Variants in OLFM3 observed in about 807,000 individuals in gnomAD.
The protein encoded by OLFM3 is olfactomedin 3, also known as noelin-3.
In OLFM3, 20 loss-of-function variants were observed where a neutral mutation model predicts 48.6. The ratio of observed to expected loss-of-function variants is 0.41; its 90% CI spans 0.29 to 0.60. The LOEUF is 0.60. Ranked by LOEUF, OLFM3 falls within the 20% of genes least tolerant of loss-of-function variation. The pLI is 0.28. For missense variants in OLFM3, 437 were observed against 544.3 expected (o/e 0.80, Z 1.96); for synonymous variants, 222 against 198.1 (o/e 1.12, Z -1.01).
chr1:101,868,967 G>C (rs564648261), intron 1 of OLFM3, among the ~76,000 whole-genome samples: 4 of 152,228 alleles, frequency 2.6e-5, no homozygotes, highest in Non-Finnish European at 5.9e-5. Flanking sequence ...ACCCCTACCT[G>C]GATTTCAGAG....
chr1:101,941,178 C>T (rs1263981700), intron 1 of OLFM3, among the ~76,000 whole-genome samples: 3 of 152,038 alleles, frequency 2.0e-5, no homozygotes, highest in Non-Finnish European at 4.4e-5. Context: ...GAGGTCCATC[C>T]GAGAACAGAG....
intron 4 of OLFM3, among the ~76,000 whole-genome samples, chr1:101,809,198 C>T (rs1268651502): frequency 1.3e-5 from 2 of 151,232 alleles, no homozygotes; most frequent in African/African-American, 4.8e-5. Flanking sequence ...TCCCCAGTAA[C>T]AACACCTAAA....
chr1:101,863,747 AT>A (rs1225922571), intron 1 of OLFM3, among the ~76,000 whole-genome samples: 3 of 152,212 alleles, frequency 2.0e-5, no homozygotes, highest in Non-Finnish European at 4.4e-5. Context: ...AAATATTTTT[AT>A]TCTAAGCCAA....
At position 101,804,043 on chromosome 1, in the gene OLFM3, T is replaced by G. The variant is rs1653632225; in HGVS notation, c.*195A>C. ...CAAGGACATGATAGGCCTTGTAAAT[T>G]TAGAAGTTAAGATGTGTTTCCAACA... On this transcript the variant is annotated 3_prime_UTR_variant, in exon 6 of 6. Coordinates refer to ENST00000370103, the MANE Select transcript of OLFM3 (RefSeq NM_058170.4). The surrounding 1 kb of genome is among the most constrained non-coding windows in gnomAD (Gnocchi z 4.5). 3 of 461,540 alleles carry G rather than the reference T, an allele frequency of 6.5e-6. No homozygotes were observed. In the Admixed American group the frequency reaches 1.2e-4, roughly 18 times the overall value. The allele number at this position is 461,540 out of a possible 1,614,324, so 28.6% of individuals were successfully genotyped here. A position where few individuals can be genotyped will look rare whatever the true frequency, so the allele number is the denominator to read the frequency against.
chr1:101,842,549 T>C (rs1380978945), intron 1 of OLFM3, among the ~76,000 whole-genome samples: 3 of 151,874 alleles, frequency 2.0e-5, no homozygotes, highest in African/African-American at 7.3e-5. Flanking sequence ...TGTCTGAAAA[T>C]AATAATAATA....
At chr1:101,812,878 G>A (rs1470123400) in intron 4 of OLFM3, 6 of 994,132 alleles carry the variant, frequency 6.0e-6, no homozygotes, top group Non-Finnish European at 7.2e-6. Context: ...ACCTTAGAAA[G>A]CAAACTTTAC....
At chr1:101,971,827 T>A (rs1404688198) in intron 1 of OLFM3, among the ~76,000 whole-genome samples, 2 of 152,058 alleles carry the variant, frequency 1.3e-5, no homozygotes, top group Non-Finnish European at 2.9e-5. Context: ...ACTAAAGGAA[T>A]CTTTTTTTGT....
intron 1 of OLFM3, among the ~76,000 whole-genome samples, chr1:101,903,973 A>G (rs569780561): frequency 2.0e-5 from 3 of 152,192 alleles, no homozygotes; most frequent in Admixed American, 1.3e-4. Flanking sequence ...AGTAATTTTT[A>G]TTACTTTTTT....
chr1:101,963,617 C>A (rs181823882), intron 1 of OLFM3, among the ~76,000 whole-genome samples: 16 of 152,154 alleles, frequency 1.1e-4, no homozygotes, highest in African/African-American at 3.4e-4. Context: ...GACCACTTGT[C>A]TTTGAGTTTA....
intron 1 of OLFM3, among the ~76,000 whole-genome samples, chr1:101,948,872 A>AT (rs1452976349): frequency 6.8e-6 from 1 of 147,760 alleles, no homozygotes. Flanking sequence ...ATATTTATAT[A>AT]TTTTTTATTG....
chr1:101,818,900 AT>A (rs1353696784), intron 4 of OLFM3, among the ~76,000 whole-genome samples: 1 of 152,106 alleles, frequency 6.6e-6, no homozygotes, highest in Non-Finnish European at 1.5e-5. Flanking sequence ...GCAGATACTA[AT>A]TTTTGTCCAC....
At chr1:101,947,322 A>G (rs533556879) in intron 1 of OLFM3, among the ~76,000 whole-genome samples, 2 of 152,146 alleles carry the variant, frequency 1.3e-5, no homozygotes, top group African/African-American at 4.8e-5. Context: ...TCCTTTTTGC[A>G]GTTGGTGTTA....
At chr1:101,812,652 T>C (rs924834765) in intron 4 of OLFM3, 3 of 985,764 alleles carry the variant, frequency 3.0e-6, no homozygotes, top group African/African-American at 3.5e-5. Context: ...GGTGCTTGAA[T>C]CTAATCCAGC....
At position 101,830,847 on chromosome 1, in the gene OLFM3, T is replaced by C. The variant is rs1655113997; in HGVS notation, c.217-20A>G. ...CTGAACCTGTTGAACAAGAATATTGTCTGTACATTATTATCTGTTTGCAGG... is the reference window on the plus strand; with the variant it reads ...CTGAACCTGTTGAACAAGAATATTGCCTGTACATTATTATCTGTTTGCAGG... On this transcript the variant is annotated intron_variant, in intron 2 of 5. Transcript: ENST00000370103. The C allele has an allele frequency of 6.2e-7, 1 of 1,608,252 alleles. No individual in the cohort carries two copies. The highest frequency in any genetic ancestry group is 8.5e-7 in the Non-Finnish European group (1 of 1,177,706).
chr1:101,943,968 T>C (rs1338473416), intron 1 of OLFM3, among the ~76,000 whole-genome samples: 2 of 151,536 alleles, frequency 1.3e-5, no homozygotes, highest in Non-Finnish European at 2.9e-5. Context: ...TAACTTATGA[T>C]AAAATAACCC....
chr1:101,908,895 G>T (rs953567649), intron 1 of OLFM3, among the ~76,000 whole-genome samples: 1 of 152,174 alleles, frequency 6.6e-6, no homozygotes, highest in African/African-American at 2.4e-5. Flanking sequence ...GGGTTTAGAG[G>T]CCATACTGTC....
intron 4 of OLFM3, 147 bp from the exon 5 acceptor site, chr1:101,806,329 A>G (rs1653776051): frequency 1.4e-5 from 9 of 647,728 alleles, no homozygotes; most frequent in Admixed American, 1.0e-4. Flanking sequence ...ATTATTCACA[A>G]TGGGTGCTGG....
chr1:101,952,595 G>C (rs115135304), intron 1 of OLFM3, among the ~76,000 whole-genome samples: 1 of 151,872 alleles, frequency 6.6e-6, no homozygotes, highest in Non-Finnish European at 1.5e-5. Flanking sequence ...TTATAAAGGA[G>C]ATATAGAGTT....
chr1:101,942,776 G>A (rs1659834349), intron 1 of OLFM3, among the ~76,000 whole-genome samples: 1 of 152,164 alleles, frequency 6.6e-6, no homozygotes, highest in Non-Finnish European at 1.5e-5. Flanking sequence ...TTGAATAATA[G>A]CATTGCATTA....
Sources: allele counts gnomAD v4.1 joint callset (sites outside exome capture counted in the v4.1 genomes callset), GRCh38; gene constraint gnomAD v4.1.1; non-coding constraint Gnocchi (gnomAD v3.1); transcripts MANE v1.5; gene names NCBI Gene and HGNC (gene_info 2026-07-23, HGNC 2026-07-21).